The following TRPA1 variants were observed in gnomAD, a reference collection of about 807,000 sequenced individuals.
TRPA1 encodes transient receptor potential cation channel subfamily A member 1.
In TRPA1, 129 loss-of-function variants were observed where a neutral mutation model predicts 131.3. The observed-to-expected ratio is 0.98, with a 90% CI of 0.85 to 1.14. TRPA1 has a LOEUF of 1.14. Ranked by LOEUF, TRPA1 falls within the 50% of genes most tolerant of loss-of-function variation. The pLI is 0.00. For missense variants in TRPA1, 1,304 were observed against 1,354.2 expected, an observed-to-expected ratio of 0.96 and a Z score of 0.58; for synonymous variants, 441 against 451.7, an observed-to-expected ratio of 0.98 and a Z score of 0.30.
At position 72,062,937 on chromosome 8, in the gene TRPA1, C is replaced by G; in HGVS notation, c.669G>C (p.Glu223Asp). 1 of 1,613,638 alleles carries G rather than the reference C, an allele frequency of 6.2e-7. No individual in the cohort carries two copies. The highest frequency in any genetic ancestry group is 8.5e-7 in the Non-Finnish European group (1 of 1,179,856). ...TGTGCAACTGTCTACTGTACCCATG[C>G]TCTTCACCTTGAGAAGAAAATAACA... ...CMEIILRFGE[E>D]HGYSRQLHIN... Residue 223 changes from glutamate (E) to aspartate (D), a missense_variant, in exon 6 of 27, where the codon GAG becomes GAC. Glu to Asp is a conservative substitution (Grantham distance 45, BLOSUM62 2). Coordinates refer to ENST00000262209, the MANE Select transcript of TRPA1 (RefSeq NM_007332.3).
chr8:72,035,371 G>A (rs1279953776), intron 21 of TRPA1, among the ~76,000 whole-genome samples: 1 of 152,064 alleles, frequency 6.6e-6, no homozygotes, highest in Non-Finnish European at 1.5e-5. Flanking sequence ...TCCAAGGGGC[G>A]GCACTCAACT....
intron 21 of TRPA1, among the ~76,000 whole-genome samples, chr8:72,034,770 C>A (rs1469356452): frequency 6.6e-6 from 1 of 152,144 alleles, no homozygotes; most frequent in Non-Finnish European, 1.5e-5. Flanking sequence ...TCGTGAACTG[C>A]TGGGCTCAAG....
rs374703953 is a variant in TRPA1 at position 72,046,594 on chromosome 8, G to T, written c.1980C>A (p.Phe660Leu). ...SCRDYYIEYN[F>L]KYLQCPLEFT... ...ATTCTAATGGACATTGAAGATATTT[G>T]AAATTATACTCGATCTGTAGAAGAC... Residue 660 changes from phenylalanine to leucine, a missense_variant, in exon 17 of 27, where the codon TTC becomes TTA. Physicochemically the swap from Phe to Leu is conservative, Grantham distance 22 (BLOSUM62 0). Transcript: ENST00000262209. 7.0e-5 allele frequency: 111 copies of T among 1,578,842 alleles called. No individual in the cohort carries two copies. The highest frequency in any genetic ancestry group is 7.9e-5 in the Non-Finnish European group (91 of 1,151,904).
Position 72,039,835 on chromosome 8 carries a change from T to A in TRPA1, c.2062-38A>T, listed in dbSNP as rs141456851. On this transcript the variant is annotated intron_variant, in intron 17 of 26. Transcript: ENST00000262209. The stretch of plus-strand genomic sequence containing the variant: ...AAAAAGTGTAATAAAAACACAATCA[T>A]AATCAACTACTGAGTATAAACTAAT... 605 of 1,324,836 alleles carry A rather than the reference T, an allele frequency of 4.6e-4. 2 individuals carry two copies. In the African/African-American group the frequency reaches 7.7e-3, roughly 17 times the overall value. The allele number at this position is 1,324,836 out of a possible 1,614,324, so 82.1% of individuals were successfully genotyped here. A position where few individuals can be genotyped will look rare whatever the true frequency, so the allele number is the denominator to read the frequency against.
intron 13 of TRPA1, chr8:72,053,156 C>T (rs1323665209): frequency 1.6e-5 from 4 of 250,180 alleles, no homozygotes; most frequent in East Asian, 9.8e-5. Context: ...AGAAAATCCT[C>T]CTGAGATTGA....
At chr8:72,038,127 A>T (rs1324573758) in intron 19 of TRPA1, 55 bp from the exon 20 acceptor site, 1 of 893,440 alleles carries the variant, frequency 1.1e-6, no homozygotes, top group Admixed American at 2.4e-5. Flanking sequence ...ACACTTTAAC[A>T]TTTCCATAAT....
In TRPA1 at chr8:72,036,324, T is replaced by G. The variant is rs761297504; in HGVS notation, c.2519A>C (p.Tyr840Ser). ...CAATAAGAAATTCATCCAATAGAAG[T>G]AAACAGCAATTGCTCCACATTGCCA... ...LQWQCGAIAV[Y>S]FYWMNFLLYL... Residue 840 changes from tyrosine (Y) to serine (S), a missense_variant, in exon 21 of 27, where the codon TAC becomes TCC. Transcript: ENST00000262209. 3.3e-5 allele frequency: 54 copies of G among 1,613,966 alleles called. No homozygotes were observed. The Middle Eastern group carries it at 6.6e-4, about 20-fold the overall frequency.
chr8:72,068,529 A>G (rs894676855), intron 3 of TRPA1, among the ~76,000 whole-genome samples: 3 of 152,218 alleles, frequency 2.0e-5, no homozygotes, highest in African/African-American at 7.2e-5. Flanking sequence ...GAGAATCATA[A>G]TTATGTTTTC....
upstream of TRPA1, among the ~76,000 whole-genome samples, chr8:72,077,291 G>A (rs1293569027): frequency 2.4e-4 from 1 of 4,120 alleles, no homozygotes; most frequent in Non-Finnish European, 4.2e-4. Context: ...TGACAGGGGT[G>A]GGGGGGGGGG....
At chr8:72,088,036 T>C in the TRPA1 span, among the ~76,000 whole-genome samples, 2 of 152,204 alleles carry the variant, frequency 1.3e-5, no homozygotes, top group African/African-American at 4.8e-5. Flanking sequence ...GCAGACACTT[T>C]TGCTGCCTGT....
chr8:72,084,842 A>C, the TRPA1 span, among the ~76,000 whole-genome samples: 2 of 151,412 alleles, frequency 1.3e-5, no homozygotes, highest in African/African-American at 4.9e-5. Flanking sequence ...AGGAGAGACG[A>C]GGTTTCATTC....
chr8:72,077,047 A>G (rs923628400), upstream of TRPA1, among the ~76,000 whole-genome samples: 1 of 152,230 alleles, frequency 6.6e-6, no homozygotes, highest in African/African-American at 2.4e-5. Context: ...TATTTTCCAT[A>G]TACCAGTTTA....
intron 23 of TRPA1, 123 bp downstream of exon 23, chr8:72,033,519 TAG>T (rs1362437662): frequency 9.4e-5 from 89 of 947,130 alleles, no homozygotes; most frequent in Non-Finnish European, 1.3e-4. Context: ...GTTGAACGAA[TAG>T]ATTTTGTAGT....
intron 17 of TRPA1, among the ~76,000 whole-genome samples, chr8:72,045,508 T>C (rs902125606): frequency 2.0e-5 from 3 of 150,624 alleles, no homozygotes; most frequent in Admixed American, 6.7e-5. Context: ...TTTTTAACTT[T>C]ATTTAATTTA....
intron 8 of TRPA1, among the ~76,000 whole-genome samples, chr8:72,058,556 G>A (rs1397353632): frequency 6.6e-6 from 1 of 152,072 alleles, no homozygotes; most frequent in Non-Finnish European, 1.5e-5. Context: ...TGACAATGGG[G>A]GCAGCATCCC....
chr8:72,047,569 A>C (rs1020948369), intron 15 of TRPA1, among the ~76,000 whole-genome samples: 3 of 152,150 alleles, frequency 2.0e-5, no homozygotes, highest in Non-Finnish European at 2.9e-5. Context: ...TAATCTGAAA[A>C]TGTGAAATTC....
chr8:72,062,832 G>A lies in TRPA1; in HGVS notation c.774C>T (p.Cys258=). 1 of 1,613,984 alleles carries A rather than the reference G, an allele frequency of 6.2e-7. No individual in the cohort carries two copies. The highest frequency in any genetic ancestry group is 8.5e-7 in the Non-Finnish European group (1 of 1,179,962). ...GGTCTATTTGTGCACCATTGTCCAG[G>A]CACATTTTGATCATTTCCAAGTCAC... is the stretch of plus-strand genomic sequence containing the variant. ...QNGDLEMIKM[C]LDNGAQIDPV... is the part of the protein sequence containing the mutation. Residue 258 remains cysteine, a synonymous_variant, in exon 6 of 27, where the codon TGC becomes TGT. Coordinates refer to ENST00000262209, the MANE Select transcript of TRPA1 (RefSeq NM_007332.3).
the TRPA1 span, among the ~76,000 whole-genome samples, chr8:72,080,898 C>T: frequency 6.6e-6 from 1 of 151,418 alleles, no homozygotes; most frequent in Non-Finnish European, 1.5e-5. Context: ...GTAATAATGC[C>T]CCTTCTTTCA....
At chr8:72,079,380 T>C (rs1478386918), upstream of TRPA1, among the ~76,000 whole-genome samples, 1 of 151,980 alleles carries the variant, frequency 6.6e-6, no homozygotes, top group Non-Finnish European at 1.5e-5. Flanking sequence ...GAGTTAATTT[T>C]TTGTTCGGGT....
Sources: gnomAD v4.1 joint callset for allele counts (sites outside exome capture counted in the v4.1 genomes callset) on GRCh38, gnomAD v4.1.1 for gene constraint, MANE v1.5 for transcripts, NCBI Gene and HGNC (gene_info 2026-07-23, HGNC 2026-07-21) for gene names.